The following LINGO2 variants were observed in gnomAD, a reference collection of about 807,000 sequenced individuals.
LINGO2 encodes the protein leucine-rich repeat and immunoglobulin-like domain-containing nogo receptor-interacting protein 2.
A neutral mutation model predicts 30.6 loss-of-function variants in LINGO2; 14 were observed. That is an observed-to-expected ratio of 0.46 (90% CI 0.30 to 0.72). LINGO2 has a LOEUF of 0.72. Ranked by LOEUF, LINGO2 falls within the 30% of genes least tolerant of loss-of-function variation. The pLI, the probability that LINGO2 is intolerant of heterozygous loss-of-function variation, is 0.07. For synonymous variants in LINGO2, 317 were observed against 288.5 expected (o/e 1.10, Z -1.00); for missense variants, 729 against 751.7 (o/e 0.97, Z 0.35).
chr9:28,727,468 T>G, the LINGO2 span, among the ~76,000 whole-genome samples: 1 of 152,092 alleles, frequency 6.6e-6, no homozygotes, highest in African/African-American at 2.4e-5. Flanking sequence ...TTGTATTTTT[T>G]TAGTAAAGAC....
chr9:28,051,527 T>C (rs901268184), intron 4 of LINGO2, among the ~76,000 whole-genome samples: 6 of 152,104 alleles, frequency 3.9e-5, no homozygotes, highest in African/African-American at 1.2e-4. Flanking sequence ...TACCTTGCAC[T>C]GGAGACACAG....
At chr9:28,956,070 CTG>C in the LINGO2 span, among the ~76,000 whole-genome samples, 11 of 151,998 alleles carry the variant, frequency 7.2e-5, no homozygotes, top group East Asian at 1.7e-3. Context: ...TTAGGTGACT[CTG>C]TGTCATTACA....
At chr9:28,877,250 GT>G in the LINGO2 span, among the ~76,000 whole-genome samples, 2 of 151,838 alleles carry the variant, frequency 1.3e-5, no homozygotes, top group African/African-American at 4.8e-5. Flanking sequence ...AAGCTCTTTA[GT>G]TTAATTAGAT....
intron 4 of LINGO2, among the ~76,000 whole-genome samples, chr9:28,093,413 C>T (rs1826154687): frequency 6.6e-6 from 1 of 152,036 alleles, no homozygotes; most frequent in African/African-American, 2.4e-5. Flanking sequence ...TGCAGTGTAA[C>T]TCGCTTTCAG....
chr9:28,561,101 G>A (rs1418641838), intron 1 of LINGO2, among the ~76,000 whole-genome samples: 1 of 152,014 alleles, frequency 6.6e-6, no homozygotes. Flanking sequence ...AGGAAAGAAG[G>A]AGGGAGGAGT....
At chr9:29,121,182 G>A in the LINGO2 span, among the ~76,000 whole-genome samples, 1 of 152,178 alleles carries the variant, frequency 6.6e-6, no homozygotes, top group Admixed American at 6.5e-5. Flanking sequence ...GATGCACACA[G>A]ATGAGCTGAG....
chr9:28,242,883 A>G (rs2133979548), intron 4 of LINGO2, among the ~76,000 whole-genome samples: 1 of 152,324 alleles, frequency 6.6e-6, no homozygotes, highest in Admixed American at 6.5e-5. Context: ...AAGCTTCATA[A>G]GTGAAGGAGA....
intron 5 of LINGO2, among the ~76,000 whole-genome samples, chr9:28,011,741 G>T (rs2119253761): frequency 6.6e-6 from 1 of 152,284 alleles, no homozygotes; most frequent in South Asian, 2.1e-4. Context: ...ATACCCTAAA[G>T]TGTGGTCACA....
At chr9:28,972,193 G>T in the LINGO2 span, among the ~76,000 whole-genome samples, 1 of 152,192 alleles carries the variant, frequency 6.6e-6, no homozygotes, top group Non-Finnish European at 1.5e-5. Flanking sequence ...AACAAACCCA[G>T]ACAGTAAACA....
the LINGO2 span, among the ~76,000 whole-genome samples, chr9:28,844,500 T>C: frequency 1.3e-5 from 2 of 151,922 alleles, no homozygotes; most frequent in Admixed American, 6.5e-5. Flanking sequence ...ATTCTAAGTA[T>C]AACAAAAGTG....
chr9:28,939,952 G>C, the LINGO2 span, among the ~76,000 whole-genome samples: 1 of 152,106 alleles, frequency 6.6e-6, no homozygotes, highest in Non-Finnish European at 1.5e-5. Flanking sequence ...AGCATTGTCT[G>C]TGGCTGTTTA....
intron 3 of LINGO2, among the ~76,000 whole-genome samples, chr9:28,371,809 G>A (rs1227300264): frequency 3.9e-5 from 6 of 152,156 alleles, no homozygotes; most frequent in African/African-American, 1.4e-4. Flanking sequence ...TTATTTGGAA[G>A]TAGACATATT....
chr9:28,485,046 G>T (rs768977451), intron 1 of LINGO2, among the ~76,000 whole-genome samples: 1 of 152,078 alleles, frequency 6.6e-6, no homozygotes, highest in African/African-American at 2.4e-5. Flanking sequence ...CCATTATCAA[G>T]TGAAAGCGTT....
At chr9:28,685,481 C>G in the LINGO2 span, among the ~76,000 whole-genome samples, 6 of 152,126 alleles carry the variant, frequency 3.9e-5, 1 homozygote, top group Admixed American at 3.9e-4. Context: ...AATAACATTT[C>G]GTACAATTAC....
intron 1 of LINGO2, among the ~76,000 whole-genome samples, chr9:28,506,489 C>CATATATATAT (rs1204718452): frequency 1.3e-5 from 1 of 78,990 alleles, no homozygotes; most frequent in Admixed American, 1.6e-4. Context: ...CATACACATA[C>CATATATATAT]ACACACACAC....
At chr9:28,978,089 T>A in the LINGO2 span, among the ~76,000 whole-genome samples, 1 of 152,166 alleles carries the variant, frequency 6.6e-6, no homozygotes, top group Non-Finnish European at 1.5e-5. Flanking sequence ...TTATTTAGAC[T>A]ATGGCAATGA....
Position 28,001,337 on chromosome 9 carries a change from T to C in LINGO2, c.-36+11018A>G, listed in dbSNP as rs145184563. 2.4e-3 allele frequency among the ~76,000 whole-genome samples: 373 copies of C among 152,278 alleles called. 2 individuals are homozygous for C. Among genetic ancestry groups the C allele is most frequent in the African/African-American group, 8.7e-3 (361 of 41,560 alleles). Reference sequence around the variant, plus strand: ...CCACAGAGCATTCCTGAATAGCAACTGATGTAACAGAATCATCGACTTGTA... The same window carrying C: ...CCACAGAGCATTCCTGAATAGCAACCGATGTAACAGAATCATCGACTTGTA... On this transcript the variant is annotated intron_variant, in intron 5 of 5. Transcript: ENST00000379992.
chr9:28,474,160 A>T (rs1033726613), intron 2 of LINGO2, among the ~76,000 whole-genome samples: 2 of 152,178 alleles, frequency 1.3e-5, no homozygotes, highest in Non-Finnish European at 2.9e-5. Flanking sequence ...CTCAATGTGC[A>T]TTTTACTTTG....
chr9:28,007,117 C>G (rs181462851), intron 5 of LINGO2, among the ~76,000 whole-genome samples: 3 of 152,196 alleles, frequency 2.0e-5, no homozygotes, highest in Admixed American at 1.3e-4. Context: ...AAATCACTTA[C>G]GTAGCATAGA....
Sources: gnomAD v4.1 joint callset for allele counts (sites outside exome capture counted in the v4.1 genomes callset) on GRCh38, gnomAD v4.1.1 for gene constraint, MANE v1.5 for transcripts, NCBI Gene and HGNC (gene_info 2026-07-23, HGNC 2026-07-21) for gene names.